CADM2: variants seen among roughly 807,000 people sequenced by gnomAD.
CADM2 encodes the protein immunoglobulin superfamily member 4D.
In CADM2, 12 loss-of-function variants were observed where a neutral mutation model predicts 49.8. That is an observed-to-expected ratio of 0.24 (90% CI 0.15 to 0.39). CADM2 has a LOEUF of 0.39. Ranked by LOEUF, CADM2 falls within the 10% of genes least tolerant of loss-of-function variation. The pLI, the probability that CADM2 is intolerant of heterozygous loss-of-function variation, is 1.00. For missense variants in CADM2, 378 were observed against 492.3 expected (o/e 0.77, Z 2.20); for synonymous variants, 214 against 175.4 (o/e 1.22, Z -1.74).
intron 1 of CADM2, among the ~76,000 whole-genome samples, chr3:85,458,657 A>G (rs2038104303): frequency 6.6e-6 from 1 of 152,118 alleles, no homozygotes; most frequent in African/African-American, 2.4e-5. Flanking sequence ...TCCCATAATC[A>G]TGTAGGAGCT....
chr3:86,039,430 G>A (rs1260178504), intron 8 of CADM2, among the ~76,000 whole-genome samples: 3 of 152,188 alleles, frequency 2.0e-5, no homozygotes, highest in Admixed American at 2.0e-4. Flanking sequence ...CACACCAGGA[G>A]ATTATATCCC....
intron 1 of CADM2, among the ~76,000 whole-genome samples, chr3:85,608,474 A>G (rs1412203287): frequency 6.6e-6 from 1 of 152,176 alleles, no homozygotes. Context: ...TTTAAGAACC[A>G]TATTACCTGG....
At chr3:85,617,946 T>C (rs866519130) in intron 1 of CADM2, among the ~76,000 whole-genome samples, 9 of 152,310 alleles carry the variant, frequency 5.9e-5, no homozygotes, top group Middle Eastern at 6.8e-3. Context: ...TTTAAAATAA[T>C]AGAAGAAACA....
intron 2 of CADM2, among the ~76,000 whole-genome samples, chr3:85,756,938 A>C (rs1055529406): frequency 1.3e-5 from 2 of 152,170 alleles, no homozygotes; most frequent in African/African-American, 4.8e-5. Context: ...TGAAATAGGC[A>C]AGATGGTTTA....
chr3:86,064,716 C>T (rs1041836283), intron 8 of CADM2, among the ~76,000 whole-genome samples: 2 of 152,178 alleles, frequency 1.3e-5, no homozygotes, highest in African/African-American at 4.8e-5. Flanking sequence ...CCACCTCACA[C>T]CAGTTAGAAT....
At chr3:85,297,575 A>G (rs1215913841) in intron 1 of CADM2, among the ~76,000 whole-genome samples, 2 of 151,732 alleles carry the variant, frequency 1.3e-5, no homozygotes, top group East Asian at 1.9e-4. Flanking sequence ...TTTAAGGCAG[A>G]CTCCTAATAA....
intron 1 of CADM2, among the ~76,000 whole-genome samples, chr3:85,108,447 C>A (rs1215832071): frequency 6.6e-6 from 1 of 151,978 alleles, no homozygotes. Flanking sequence ...CATAAAAAGA[C>A]AACAATGCAT....
At chr3:85,655,831 A>G (rs906527930) in intron 1 of CADM2, among the ~76,000 whole-genome samples, 1 of 152,198 alleles carries the variant, frequency 6.6e-6, no homozygotes. Context: ...GGTGTGAGAT[A>G]GAATTCAATA....
chr3:85,799,142 G>T (rs1318678469), intron 2 of CADM2, among the ~76,000 whole-genome samples: 1 of 152,194 alleles, frequency 6.6e-6, no homozygotes, highest in African/African-American at 2.4e-5. Flanking sequence ...CTTTGTTGAA[G>T]TTGCTTATCA....
intron 1 of CADM2, among the ~76,000 whole-genome samples, chr3:85,307,109 T>C (rs2044231346): frequency 6.6e-6 from 1 of 151,618 alleles, no homozygotes; most frequent in South Asian, 2.1e-4. Context: ...TTTGAGATTA[T>C]CATTATGTTG....
intron 1 of CADM2, among the ~76,000 whole-genome samples, chr3:85,485,798 C>G (rs1000118610): frequency 4.6e-5 from 7 of 152,034 alleles, no homozygotes; most frequent in African/African-American, 1.4e-4. Context: ...CCCCAGGAGG[C>G]ACATCTAATT....
At chr3:85,022,393 C>T (rs1366194469) in intron 1 of CADM2, among the ~76,000 whole-genome samples, 1 of 152,130 alleles carries the variant, frequency 6.6e-6, no homozygotes, top group Non-Finnish European at 1.5e-5. Flanking sequence ...GGGGATTGCT[C>T]CTCTCTAGGT....
intron 1 of CADM2, among the ~76,000 whole-genome samples, chr3:85,656,136 A>G (rs990023649): frequency 4.6e-5 from 7 of 152,116 alleles, no homozygotes; most frequent in African/African-American, 1.7e-4. Flanking sequence ...TGTTATTAGA[A>G]AAAGCTATGA....
chr3:85,726,377 T>C, intron 1 of CADM2, 145 bp from the exon 2 acceptor site: 4 of 849,930 alleles, frequency 4.7e-6, no homozygotes, highest in Non-Finnish European at 7.7e-6. Context: ...ACAATAGTCA[T>C]TTTGTTTCTT....
At chr3:85,151,652 T>A (rs758760548) in intron 1 of CADM2, among the ~76,000 whole-genome samples, 1 of 152,196 alleles carries the variant, frequency 6.6e-6, no homozygotes, top group Non-Finnish European at 1.5e-5. Context: ...ATGGTTGCTT[T>A]AATCAGTTCA....
At chr3:85,143,587 A>G (rs963085180) in intron 1 of CADM2, among the ~76,000 whole-genome samples, 6 of 152,228 alleles carry the variant, frequency 3.9e-5, no homozygotes, top group Non-Finnish European at 8.8e-5. Flanking sequence ...ATTGTATGCT[A>G]CAAATAACTT....
intron 1 of CADM2, among the ~76,000 whole-genome samples, chr3:85,128,223 A>C (rs761493876): frequency 1.2e-4 from 19 of 152,314 alleles, no homozygotes; most frequent in Middle Eastern, 6.8e-3. Context: ...GCATCAAGTA[A>C]GACGCTTTTT....
chr3:85,870,383 T>A (rs145079762), intron 3 of CADM2, among the ~76,000 whole-genome samples: 1 of 152,222 alleles, frequency 6.6e-6, no homozygotes, highest in East Asian at 1.9e-4. Context: ...ACTAATTATT[T>A]TTTCCTGATT....
intron 1 of CADM2, among the ~76,000 whole-genome samples, chr3:85,327,623 T>C (rs901848555): frequency 1.3e-5 from 2 of 151,794 alleles, no homozygotes; most frequent in African/African-American, 2.4e-5. Flanking sequence ...TATGTGTATT[T>C]ATATAAATAT....
Sources: allele counts gnomAD v4.1 joint callset (sites outside exome capture counted in the v4.1 genomes callset), GRCh38; gene constraint gnomAD v4.1.1; transcripts MANE v1.5; gene names NCBI Gene and HGNC (gene_info 2026-07-23, HGNC 2026-07-21).